Variants in LARGE1 observed in about 807,000 individuals in gnomAD.
LARGE1 encodes xylosyl- and glucuronyltransferase LARGE1.
LARGE1 carries 43 observed loss-of-function variants against 87.6 expected under a neutral mutation model. The observed-to-expected ratio is 0.49, with a 90% CI of 0.38 to 0.63. LARGE1 has a LOEUF of 0.63. Among genes scored for constraint, LARGE1 ranks in the 30% least tolerant of loss-of-function variants. The pLI, the probability that LARGE1 is intolerant of heterozygous loss-of-function variation, is 0.00. For missense variants in LARGE1, 802 were observed against 1,000.2 expected (o/e 0.80, Z 2.67); for synonymous variants, 434 against 394.6 (o/e 1.10, Z -1.18).
chr22:33,638,884 G>C (rs1216371423), intron 3 of LARGE1, among the ~76,000 whole-genome samples: 4 of 152,176 alleles, frequency 2.6e-5, no homozygotes, highest in African/African-American at 9.7e-5. Context: ...CTTCCTTAAG[G>C]AGTGGTCTGG....
intron 6 of LARGE1, among the ~76,000 whole-genome samples, chr22:33,498,451 TACATATATTAACGATGC>T (rs1352392966): frequency 1.3e-5 from 2 of 152,138 alleles, no homozygotes; most frequent in Non-Finnish European, 2.9e-5. Context: ...GGAGGCTGGA[TACATATATTAACGATGC>T]TGCTATTGTT....
intron 9 of LARGE1, among the ~76,000 whole-genome samples, chr22:33,340,824 T>C (rs1939058940): frequency 6.6e-6 from 1 of 151,922 alleles, no homozygotes; most frequent in Non-Finnish European, 1.5e-5. Context: ...TATGGCCACC[T>C]TGCTGGTAAA....
chr22:33,906,923 C>T (rs1384895266), intron 1 of LARGE1, among the ~76,000 whole-genome samples: 1 of 152,066 alleles, frequency 6.6e-6, no homozygotes, highest in Non-Finnish European at 1.5e-5. Context: ...GCTTTCTCAA[C>T]ATAATACACA....
chr22:33,753,882 A>C (rs376006709), intron 2 of LARGE1, among the ~76,000 whole-genome samples: 7 of 152,132 alleles, frequency 4.6e-5, no homozygotes, highest in African/African-American at 1.7e-4. Flanking sequence ...CAACATGGTG[A>C]AACCCTATCT....
chr22:33,627,423 T>C (rs1204287085), intron 3 of LARGE1, among the ~76,000 whole-genome samples: 1 of 152,218 alleles, frequency 6.6e-6, no homozygotes, highest in African/African-American at 2.4e-5. Flanking sequence ...CCCACTCCAG[T>C]TGCATTCTGT....
chr22:33,366,897 A>G (rs1040631132), intron 9 of LARGE1, among the ~76,000 whole-genome samples: 1 of 152,148 alleles, frequency 6.6e-6, no homozygotes, highest in Non-Finnish European at 1.5e-5. Flanking sequence ...TTCTCTAGAA[A>G]AGTTTATTTA....
intron 1 of LARGE1, among the ~76,000 whole-genome samples, chr22:33,809,634 G>A (rs2086429017): frequency 6.6e-6 from 1 of 152,058 alleles, no homozygotes; most frequent in East Asian, 1.9e-4. Flanking sequence ...TCATTTTCTA[G>A]CAGCCACATT....
intron 13 of LARGE1, among the ~76,000 whole-genome samples, chr22:33,277,886 A>C (rs1201762434): frequency 1.3e-5 from 2 of 152,204 alleles, no homozygotes; most frequent in African/African-American, 2.4e-5. Context: ...TCAGGAATTG[A>C]CTGCAGGTGA....
At chr22:33,403,823 C>T (rs568786201) in intron 7 of LARGE1, among the ~76,000 whole-genome samples, 58 of 152,094 alleles carry the variant, frequency 3.8e-4, no homozygotes, top group Non-Finnish European at 7.2e-4. Context: ...AGGCTTGTCT[C>T]GAACTCCTGA....
chr22:33,136,019 T>C, the LARGE1 span, among the ~76,000 whole-genome samples: 2 of 152,204 alleles, frequency 1.3e-5, no homozygotes, highest in Admixed American at 1.3e-4. Flanking sequence ...TGAGAATATA[T>C]GATTGTTTCC....
intron 6 of LARGE1, among the ~76,000 whole-genome samples, chr22:33,478,882 T>A (rs941837815): frequency 3.3e-5 from 5 of 152,176 alleles, no homozygotes; most frequent in African/African-American, 1.2e-4. Context: ...GTGGACAGAT[T>A]TCCTAGAACA....
At chr22:33,109,211 C>T in the LARGE1 span, 2 of 152,108 alleles carry the variant, frequency 1.3e-5, no homozygotes, top group African/African-American at 4.8e-5. Context: ...AGAGCCCCAT[C>T]TCTCTACCAT....
At chr22:33,243,047 A>C (rs1352800017) in intron 11 of LARGE1, among the ~76,000 whole-genome samples, 2 of 152,294 alleles carry the variant, frequency 1.3e-5, no homozygotes, top group Admixed American at 1.3e-4. Flanking sequence ...GGATGACCTC[A>C]TCTAAACTCA....
chr22:33,594,054 A>G (rs928422419), intron 5 of LARGE1, among the ~76,000 whole-genome samples: 3 of 152,240 alleles, frequency 2.0e-5, no homozygotes, highest in African/African-American at 7.2e-5. Flanking sequence ...TTGGCAAATA[A>G]TCAACTCTTA....
the LARGE1 span, among the ~76,000 whole-genome samples, chr22:33,148,877 A>T: frequency 1.3e-5 from 2 of 152,018 alleles, no homozygotes; most frequent in Non-Finnish European, 2.9e-5. Context: ...CTTTGGTGCA[A>T]TGTCTGTCCA....
the LARGE1 span, among the ~76,000 whole-genome samples, chr22:33,072,839 T>C: frequency 6.6e-6 from 1 of 152,136 alleles, no homozygotes; most frequent in Non-Finnish European, 1.5e-5. Flanking sequence ...TCATCCATTC[T>C]CCGGTCCAGC....
intron 2 of LARGE1, among the ~76,000 whole-genome samples, chr22:33,663,413 C>G (rs974658858): frequency 2.0e-5 from 3 of 152,102 alleles, no homozygotes; most frequent in Admixed American, 6.5e-5. Context: ...AACTAAGAAC[C>G]CTCAACTCAA....
chr22:33,519,205 G>A (rs1347685474), intron 6 of LARGE1, among the ~76,000 whole-genome samples: 1 of 151,474 alleles, frequency 6.6e-6, no homozygotes, highest in Non-Finnish European at 1.5e-5. Flanking sequence ...TGGCAATTCT[G>A]CAGGTCCCTG....
chr22:33,876,541 C>G (rs572592698), intron 1 of LARGE1, among the ~76,000 whole-genome samples: 51 of 152,072 alleles, frequency 3.4e-4, no homozygotes, highest in Non-Finnish European at 5.7e-4. Flanking sequence ...CAAACTAACA[C>G]AGGAACAGAA....
Sources: gnomAD v4.1 joint callset for allele counts (sites outside exome capture counted in the v4.1 genomes callset) on GRCh38, gnomAD v4.1.1 for gene constraint, MANE v1.5 for transcripts, NCBI Gene and HGNC (gene_info 2026-07-23, HGNC 2026-07-21) for gene names.